The following CDH20 variants were observed in gnomAD, a reference collection of about 807,000 sequenced individuals.
CDH20 encodes cadherin-20.
A neutral mutation model predicts 74.2 loss-of-function variants in CDH20; 29 were observed. The ratio of observed to expected loss-of-function variants is 0.39; its 90% CI spans 0.29 to 0.53. The LOEUF (loss-of-function observed/expected upper bound fraction) is 0.53, where lower values mean the gene tolerates loss of function less well. CDH20 is among the 20% of genes least tolerant of loss of function. The pLI is 0.69. For synonymous variants in CDH20, 469 were observed against 405.4 expected (o/e 1.16, Z -1.88); for missense variants, 988 against 1,048.3 (o/e 0.94, Z 0.79).
At chr18:61,488,882 G>A (rs1301507500) in intron 1 of CDH20, among the ~76,000 whole-genome samples, 2 of 152,176 alleles carry the variant, frequency 1.3e-5, no homozygotes, top group Admixed American at 6.5e-5. Flanking sequence ...AACATGAACT[G>A]GGCTTCTCTG....
chr18:61,359,471 A>T (rs1029952868), intron 1 of CDH20, among the ~76,000 whole-genome samples: 4 of 152,152 alleles, frequency 2.6e-5, no homozygotes, highest in Non-Finnish European at 5.9e-5. Context: ...CATGGGTATA[A>T]ATGAGAACCT....
intron 1 of CDH20, among the ~76,000 whole-genome samples, chr18:61,470,596 A>C (rs975380659): frequency 6.6e-6 from 1 of 151,596 alleles, no homozygotes; most frequent in Non-Finnish European, 1.5e-5. Flanking sequence ...AAGAGACAAG[A>C]ACCTGGAAAG....
intron 1 of CDH20, among the ~76,000 whole-genome samples, chr18:61,428,490 GGGGTCT>G (rs1378556062): frequency 6.6e-6 from 1 of 152,138 alleles, no homozygotes; most frequent in African/African-American, 2.4e-5. Flanking sequence ...GATGGCTGCT[GGGGTCT>G]CCTGTGTGTG....
chr18:61,398,589 T>C (rs1197067156), intron 1 of CDH20, among the ~76,000 whole-genome samples: 1 of 152,186 alleles, frequency 6.6e-6, no homozygotes, highest in East Asian at 1.9e-4. Context: ...TTTAAGAAGA[T>C]ATAAAAATGG....
chr18:61,555,360 A>G lies in CDH20; in HGVS notation c.*665A>G. 1.0e-6 allele frequency: 1 copy of G among 985,508 alleles called. No homozygotes were observed. The highest frequency in any genetic ancestry group is 1.2e-6 in the Non-Finnish European group (1 of 829,988). 61.0% of individuals were successfully genotyped at this position (985,508 alleles called of 1,614,324 possible). A position where few individuals can be genotyped will look rare whatever the true frequency, so the allele number is the denominator to read the frequency against. On this transcript the variant is annotated 3_prime_UTR_variant, in exon 12 of 12. Coordinates refer to ENST00000262717, the MANE Select transcript of CDH20 (RefSeq NM_031891.4). Reference sequence around the variant, plus strand: ...GGCTGAACCAAGAGATGTTGGCATTACAGCTCATCCAACGCCATCAAGTTA... The same window carrying G: ...GGCTGAACCAAGAGATGTTGGCATTGCAGCTCATCCAACGCCATCAAGTTA...
At chr18:61,363,552 A>T (rs1161146028) in intron 1 of CDH20, among the ~76,000 whole-genome samples, 3 of 152,236 alleles carry the variant, frequency 2.0e-5, no homozygotes, top group African/African-American at 7.2e-5. Flanking sequence ...TCAATTAACA[A>T]ATAAAAAGGT....
intron 6 of CDH20, among the ~76,000 whole-genome samples, chr18:61,516,254 T>C (rs560406846): frequency 1.3e-5 from 2 of 152,320 alleles, no homozygotes; most frequent in East Asian, 3.9e-4. Flanking sequence ...ATTGGGAAAC[T>C]TTTTGCACTG....
chr18:61,336,931 A>G (rs777392663), intron 1 of CDH20, among the ~76,000 whole-genome samples: 3 of 152,182 alleles, frequency 2.0e-5, no homozygotes, highest in Non-Finnish European at 2.9e-5. Context: ...GCTGATGCCG[A>G]GAGGAGCCAA....
intron 1 of CDH20, among the ~76,000 whole-genome samples, chr18:61,452,405 T>C (rs1909423758): frequency 6.6e-6 from 1 of 152,206 alleles, no homozygotes; most frequent in Non-Finnish European, 1.5e-5. Context: ...TCGTTCTACG[T>C]TTGTTATCAT....
chr18:61,460,251 GA>G (rs747721170), intron 1 of CDH20, among the ~76,000 whole-genome samples: 5 of 152,080 alleles, frequency 3.3e-5, no homozygotes, highest in Admixed American at 6.5e-5. Context: ...GTTTAGGGGG[GA>G]AAAAATAAAT....
intron 1 of CDH20, among the ~76,000 whole-genome samples, chr18:61,394,887 C>T (rs370315817): frequency 6.6e-6 from 1 of 151,816 alleles, no homozygotes. Flanking sequence ...TCCTGCTTGG[C>T]CTTGGGGTAT....
At chr18:61,407,639 G>A (rs999185889) in intron 1 of CDH20, among the ~76,000 whole-genome samples, 3 of 152,286 alleles carry the variant, frequency 2.0e-5, no homozygotes, top group South Asian at 2.1e-4. Context: ...TTTAGCCCCC[G>A]ATAGAATGTA....
At chr18:61,414,201 G>C (rs1199805533) in intron 1 of CDH20, among the ~76,000 whole-genome samples, 1 of 152,108 alleles carries the variant, frequency 6.6e-6, no homozygotes, top group African/African-American at 2.4e-5. Flanking sequence ...AAAACCAGTG[G>C]GAAGCCAGAC....
intron 1 of CDH20, among the ~76,000 whole-genome samples, chr18:61,444,736 C>G (rs1365169702): frequency 6.6e-6 from 1 of 152,162 alleles, no homozygotes; most frequent in Non-Finnish European, 1.5e-5. Flanking sequence ...GAGCTTTAAA[C>G]CTTCCTCTTC....
At chr18:61,519,794 G>C (rs1329579739) in intron 6 of CDH20, among the ~76,000 whole-genome samples, 1 of 150,776 alleles carries the variant, frequency 6.6e-6, no homozygotes, top group Non-Finnish European at 1.5e-5. Context: ...ATGTAAACAG[G>C]CTAAATGCCC....
At chr18:61,496,185 C>A (rs1197479186) in intron 2 of CDH20, among the ~76,000 whole-genome samples, 4 of 46,166 alleles carry the variant, frequency 8.7e-5, no homozygotes, top group African/African-American at 3.6e-4. Context: ...CCTCTCCCCC[C>A]CTCCTCCCTT....
chr18:61,497,747 A>G, intron 2 of CDH20, among the ~76,000 whole-genome samples: 1 of 152,296 alleles, frequency 6.6e-6, no homozygotes, highest in South Asian at 2.1e-4. Context: ...TAAACATAAA[A>G]TAACTCATCA....
chr18:61,352,123 T>C (rs530814809), intron 1 of CDH20, among the ~76,000 whole-genome samples: 14 of 152,200 alleles, frequency 9.2e-5, no homozygotes, highest in Non-Finnish European at 1.8e-4. Flanking sequence ...AGTCTCTTCA[T>C]TCAGGAACTT....
intron 1 of CDH20, among the ~76,000 whole-genome samples, chr18:61,357,198 C>T (rs932586461): frequency 6.6e-6 from 1 of 152,220 alleles, no homozygotes; most frequent in South Asian, 2.1e-4. Context: ...TTTGCTTAAA[C>T]TCCTCTGAAG....
Sources: gnomAD v4.1 joint callset for allele counts (sites outside exome capture counted in the v4.1 genomes callset) on GRCh38, gnomAD v4.1.1 for gene constraint, MANE v1.5 for transcripts, NCBI Gene and HGNC (gene_info 2026-07-23, HGNC 2026-07-21) for gene names.